CACNA1B: variants seen among roughly 807,000 people sequenced by gnomAD.
The protein encoded by CACNA1B is calcium voltage-gated channel subunit alpha1 B.
A neutral mutation model predicts 247.2 loss-of-function variants in CACNA1B; 70 were observed. The ratio of observed to expected loss-of-function variants is 0.28; its 90% CI spans 0.23 to 0.35. The LOEUF (loss-of-function observed/expected upper bound fraction) is 0.35, where lower values mean the gene tolerates loss of function less well. Ranked by LOEUF, CACNA1B falls within the 10% of genes least tolerant of loss-of-function variation. The probability of loss-of-function intolerance (pLI) is 1.00; values close to 1 mark genes in which losing one functional copy is unlikely to be tolerated. For synonymous variants in CACNA1B, 1,231 were observed against 1,294.4 expected, an observed-to-expected ratio of 0.95 and a Z score of 1.05; for missense variants, 2,367 against 3,197.4, an observed-to-expected ratio of 0.74 and a Z score of 6.26.
chr9:137,935,429 GA>G (rs1957654747), intron 6 of CACNA1B, among the ~76,000 whole-genome samples: 1 of 152,190 alleles, frequency 6.6e-6, no homozygotes, highest in Admixed American at 6.5e-5. Context: ...CAAAGGACAT[GA>G]AATCATCCTT....
chr9:137,924,244 A>T (rs762441389), intron 6 of CACNA1B, among the ~76,000 whole-genome samples: 91 of 151,460 alleles, frequency 6.0e-4, no homozygotes, highest in Non-Finnish European at 1.1e-3. Flanking sequence ...TATATTTTAC[A>T]TGTAAGTTTA....
intron 21 of CACNA1B, among the ~76,000 whole-genome samples, chr9:138,046,224 C>T (rs1959184789): frequency 1.3e-5 from 2 of 152,338 alleles, no homozygotes; most frequent in African/African-American, 2.4e-5. Context: ...CCAGCACATG[C>T]CTGGCAGGGT....
Position 138,102,221 on chromosome 9 carries a change from G to A in CACNA1B, c.5223-490G>A, listed in dbSNP as rs1185608155. Among the ~76,000 whole-genome samples the A allele has an allele frequency of 6.6e-6, 1 of 152,172 alleles. No homozygotes were observed. The highest frequency in any genetic ancestry group is 1.5e-5 in the Non-Finnish European group (1 of 68,032). On this transcript the variant is annotated intron_variant, in intron 37 of 46. Transcript: ENST00000371372. The surrounding 1 kb of genome is among the most constrained non-coding windows in gnomAD (Gnocchi z 5.4). ...TTTTAGCCTCTAGCCTCACTTGGAA[G>A]CAAATCTGACCGTGAGGAAAGCTGA...
rs201267869 is a variant in CACNA1B at position 137,879,066 on chromosome 9, T to C, written c.297T>C (p.Tyr99=). The C allele has an allele frequency of 6.2e-7, 1 of 1,610,880 alleles. No homozygotes were observed. Among genetic ancestry groups the C allele is most frequent in the Admixed American group, 1.7e-5 (1 of 59,922 alleles). Residue 99 remains tyrosine, a synonymous_variant, in exon 2 of 47, where the codon TAT becomes TAC. Transcript: ENST00000371372. ...TTAACTCACGCACTCCATTCGAGTA[T>C]ATGATCCTGGCCACCATCATCGCCA... ...KRITEWPPFE[Y]MILATIIANC...
In CACNA1B at chr9:138,052,280, A is replaced by G; in HGVS notation, c.3807+92A>G. The G allele has an allele frequency of 1.6e-6, 1 of 624,890 alleles. No homozygotes were observed. Among genetic ancestry groups the G allele is most frequent in the Non-Finnish European group, 2.7e-6 (1 of 369,150 alleles). The allele number at this position is 624,890 out of a possible 1,614,324, so 38.7% of individuals were successfully genotyped here. A position where few individuals can be genotyped will look rare whatever the true frequency, so the allele number is the denominator to read the frequency against. On this transcript the variant is annotated intron_variant, in intron 25 of 46. Coordinates refer to ENST00000371372, the MANE Select transcript of CACNA1B (RefSeq NM_000718.4). This position sits in a 1 kb window ranked among gnomAD's most constrained non-coding sequence, Gnocchi z 5.1. ...TGTGTGTGTATGCATGCAGTGCATGAGTGTGTGTGTGTTCACATCACACCC... is the reference window on the plus strand; with the variant it reads ...TGTGTGTGTATGCATGCAGTGCATGGGTGTGTGTGTGTTCACATCACACCC...
In CACNA1B at chr9:138,122,673, A is replaced by G. The variant is rs1363834703; in HGVS notation, c.*674A>G. 6.6e-6 allele frequency: 1 copy of G among 152,316 alleles called. No individual in the cohort carries two copies. The highest frequency in any genetic ancestry group is 1.5e-5 in the Non-Finnish European group (1 of 68,084). 9.4% of individuals were successfully genotyped at this position (152,316 alleles called of 1,614,324 possible). On this transcript the variant is annotated 3_prime_UTR_variant, in exon 47 of 47. Coordinates refer to ENST00000371372, the MANE Select transcript of CACNA1B (RefSeq NM_000718.4). ...GAAAAATGGGGAAGGAAATGTTCAC[A>G]TAACTTTAAAAAATCAAACCTGTGA...
At chr9:138,029,905 G>A (rs889664117) in intron 20 of CACNA1B, among the ~76,000 whole-genome samples, 4 of 152,106 alleles carry the variant, frequency 2.6e-5, no homozygotes, top group African/African-American at 7.2e-5. Flanking sequence ...GTGAGCCACT[G>A]TGCCCAGCCC....
At chr9:137,969,174 A>C (rs1958116011) in intron 10 of CACNA1B, among the ~76,000 whole-genome samples, 1 of 152,198 alleles carries the variant, frequency 6.6e-6, no homozygotes, top group South Asian at 2.1e-4. Context: ...GGCTGCACCC[A>C]GCTCTCCCCC....
rs774552465 is a variant in CACNA1B, at chr9:138,121,950, G to A, written c.6971G>A (p.Gly2324Asp). ...YHCTLGLSSG[G>D]RARHSYHHPD... ...TGCACCCTGGGACTCAGCTCGGGTG[G>A]CCGAGCACGGCACAGCTACCACCAC... The change falls in exon 47 of 47, where the codon GGC (glycine) becomes GAC (aspartate). Residue 2324 changes from glycine (G) to aspartate (D), a missense_variant. Around this residue, in one of 12 missense-constraint regions of CACNA1B, gnomAD observed 773 missense variants for 779.4 expected, o/e 0.99. Transcript: ENST00000371372. This position sits in a 1 kb window ranked among gnomAD's most constrained non-coding sequence, Gnocchi z 6.8. 5.6e-6 allele frequency: 9 copies of A among 1,604,574 alleles called. No individual in the cohort carries two copies. Among genetic ancestry groups the A allele is most frequent in the Non-Finnish European group, 7.6e-6 (9 of 1,179,792 alleles).
rs79784587 is a variant in CACNA1B at position 137,891,758 on chromosome 9, G to A, written c.530+8875G>A. ...GCTGGCTGTGGGGCTGTAGAGTGGA[G>A]GGGCCTCCACCCTGCGTGCCTGTGT... On this transcript the variant is annotated intron_variant, in intron 3 of 46. Transcript: ENST00000371372. This position sits in a 1 kb window ranked among gnomAD's most constrained non-coding sequence, Gnocchi z 4.3. The A allele has an allele frequency of 0.014, 4,435 of 320,170 alleles. 271 individuals are homozygous for A. The East Asian group carries it at 0.17, about 12-fold the overall frequency. 19.8% of individuals were successfully genotyped at this position (320,170 alleles called of 1,614,324 possible).
intron 6 of CACNA1B, among the ~76,000 whole-genome samples, chr9:137,946,270 G>A (rs760693503): frequency 1.3e-5 from 2 of 152,064 alleles, no homozygotes; most frequent in African/African-American, 2.4e-5. Flanking sequence ...TTAGCCAGTC[G>A]AATAGATCAA....
chr9:138,001,433 A>G (rs1258832010), intron 15 of CACNA1B, among the ~76,000 whole-genome samples: 1 of 96,160 alleles, frequency 1.0e-5, no homozygotes, highest in Non-Finnish European at 1.9e-5. Flanking sequence ...AAACTATTGT[A>G]TACACTTTAA....
At position 138,059,811 on chromosome 9, in the gene CACNA1B, C is replaced by T. The variant is rs1332182185; in HGVS notation, c.4668+74C>T. The T allele has an allele frequency of 4.7e-6, 4 of 846,468 alleles. No individual in the cohort carries two copies. The highest frequency in any genetic ancestry group is 8.2e-6 in the Non-Finnish European group (4 of 489,168). 52.4% of individuals were successfully genotyped at this position (846,468 alleles called of 1,614,324 possible). A position where few individuals can be genotyped will look rare whatever the true frequency, so the allele number is the denominator to read the frequency against. ...CTAGAGCCTGCTCCCCTCAGTGCAT[C>T]TCCAGGCCCTGTGTTAGCCTCTTCC... On this transcript the variant is annotated intron_variant, in intron 31 of 46. Transcript: ENST00000371372. The surrounding 1 kb of genome is among the most constrained non-coding windows in gnomAD (Gnocchi z 4.2).
intron 6 of CACNA1B, among the ~76,000 whole-genome samples, chr9:137,921,995 G>A (rs188451992): frequency 4.9e-5 from 7 of 143,482 alleles, no homozygotes; most frequent in Middle Eastern, 4.4e-3. Context: ...TCAGCACCGC[G>A]ACCGCACAGC....
Position 138,121,347 on chromosome 9 carries a change from C to T in CACNA1B, c.6490-122C>T, listed in dbSNP as rs1180684331. On this transcript the variant is annotated intron_variant, in intron 46 of 46. Coordinates refer to ENST00000371372, the MANE Select transcript of CACNA1B (RefSeq NM_000718.4). This position sits in a 1 kb window ranked among gnomAD's most constrained non-coding sequence, Gnocchi z 6.8. ...CCCTGGTCACCGCAGCCCGTTGTCCCCCATTGCCTCCCTCTCTCCTCCCAT... is the reference window on the plus strand; with the variant it reads ...CCCTGGTCACCGCAGCCCGTTGTCCTCCATTGCCTCCCTCTCTCCTCCCAT... 1.4e-6 allele frequency: 1 copy of T among 721,756 alleles called. No individual in the cohort carries two copies. Among genetic ancestry groups the T allele is most frequent in the Non-Finnish European group, 2.2e-6 (1 of 455,724 alleles). 44.7% of individuals were successfully genotyped at this position (721,756 alleles called of 1,614,324 possible). A position where few individuals can be genotyped will look rare whatever the true frequency, so the allele number is the denominator to read the frequency against.
Position 137,917,514 on chromosome 9 carries a change from C to A in CACNA1B, c.966+83C>A. The A allele has an allele frequency of 1.6e-6, 2 of 1,219,446 alleles. No homozygotes were observed. The highest frequency in any genetic ancestry group is 2.3e-6 in the Non-Finnish European group (2 of 853,434). 75.5% of individuals were successfully genotyped at this position (1,219,446 alleles called of 1,614,324 possible). ...CCTCTGGGGGTCCATTTAGGGGGGCCCTTCTGACCTCAGAGCCTCTGCCCA... is the reference window on the plus strand; with the variant it reads ...CCTCTGGGGGTCCATTTAGGGGGGCACTTCTGACCTCAGAGCCTCTGCCCA... On this transcript the variant is annotated intron_variant, in intron 6 of 46. Transcript: ENST00000371372. This position sits in a 1 kb window ranked among gnomAD's most constrained non-coding sequence, Gnocchi z 5.5.
chr9:137,894,251 A>G (rs969077365), intron 3 of CACNA1B, among the ~76,000 whole-genome samples: 1 of 149,840 alleles, frequency 6.7e-6, no homozygotes. Context: ...TTCCAGCAGC[A>G]CAGGAGCCGT....
At chr9:137,894,554 G>T (rs953633560) in intron 3 of CACNA1B, among the ~76,000 whole-genome samples, 3 of 151,778 alleles carry the variant, frequency 2.0e-5, no homozygotes, top group Non-Finnish European at 4.4e-5. Flanking sequence ...GACTGCAGGC[G>T]CCCGCCACCA....
chr9:138,016,568 G>T (rs1205687043), intron 18 of CACNA1B, among the ~76,000 whole-genome samples: 1 of 152,330 alleles, frequency 6.6e-6, no homozygotes, highest in Admixed American at 6.5e-5. Flanking sequence ...AAGTCAGGTG[G>T]GTTCGGCAGC....
Sources: allele counts gnomAD v4.1 joint callset (sites outside exome capture counted in the v4.1 genomes callset), GRCh38; gene constraint gnomAD v4.1.1; regional missense constraint gnomAD v4.1.1; non-coding constraint Gnocchi (gnomAD v3.1); transcripts MANE v1.5; gene names NCBI Gene and HGNC (gene_info 2026-07-23, HGNC 2026-07-21).